The following ADAMTS12 variants were observed in gnomAD, a reference collection of about 807,000 sequenced individuals.
ADAMTS12 encodes ADAM metallopeptidase with thrombospondin type 1 motif 12, also known as A disintegrin and metalloproteinase with thrombospondin motifs 12.
Under a neutral mutation model 167.8 loss-of-function variants are expected in ADAMTS12, and 118 were observed. The observed-to-expected ratio is 0.70, with a 90% CI of 0.61 to 0.82. ADAMTS12 has a LOEUF of 0.82. Ranked by LOEUF, ADAMTS12 falls within the 40% of genes least tolerant of loss-of-function variation. The pLI, the probability that ADAMTS12 is intolerant of heterozygous loss-of-function variation, is 0.00. For missense variants in ADAMTS12, 1,916 were observed against 1,998.8 expected (o/e 0.96, Z 0.79); for synonymous variants, 704 against 716.9 (o/e 0.98, Z 0.29).
At chr5:33,775,903 C>T (rs190734613) in intron 2 of ADAMTS12, among the ~76,000 whole-genome samples, 6 of 152,220 alleles carry the variant, frequency 3.9e-5, no homozygotes, top group African/African-American at 1.2e-4. Flanking sequence ...GGGATTAGGC[C>T]GAAGGGAGCT....
chr5:33,688,437 TAACAG>T (rs1742428600), intron 3 of ADAMTS12, among the ~76,000 whole-genome samples: 1 of 122,162 alleles, frequency 8.2e-6, no homozygotes. Context: ...ACCTGACCAC[TAACAG>T]AACAGAAGTC....
Position 33,890,497 on chromosome 5 carries a change from T to A in ADAMTS12, c.127+1233A>T, listed in dbSNP as rs115778102. ...CCACAGCAGATGAGTTGTCCAGCAA[T>A]ATTTGAATTTTACAACATGAGCAGA... On this transcript the variant is annotated intron_variant, in intron 1 of 23. Transcript: ENST00000504830. Among the ~76,000 whole-genome samples, 460 of 152,262 alleles carry A rather than the reference T, an allele frequency of 3.0e-3. 2 individuals carry two copies. Among genetic ancestry groups the A allele is most frequent in the African/African-American group, 0.011 (443 of 41,542 alleles).
At chr5:33,597,851 G>T (rs1737983182) in intron 16 of ADAMTS12, among the ~76,000 whole-genome samples, 1 of 152,102 alleles carries the variant, frequency 6.6e-6, no homozygotes, top group African/African-American at 2.4e-5. Flanking sequence ...TAGCTGCTTA[G>T]AAGTTTCATT....
In ADAMTS12 at chr5:33,643,281, C is replaced by G. The variant is rs113572559; in HGVS notation, c.1572+97G>C. On this transcript the variant is annotated intron_variant, in intron 10 of 23. Transcript: ENST00000504830. ...TGTTTGACCTCCATCCACTGCTCTT[C>G]CCTTAGAGAGAGTTGCCCTCTAGGG... is the stretch of plus-strand genomic sequence containing the variant. 1.6e-5 allele frequency: 20 copies of G among 1,221,426 alleles called. No individual in the cohort carries two copies. In the East Asian group the frequency reaches 4.7e-4, roughly 29 times the overall value. The allele number at this position is 1,221,426 out of a possible 1,614,324, so 75.7% of individuals were successfully genotyped here.
At chr5:33,826,584 G>GTATATA (rs1488842952) in intron 2 of ADAMTS12, among the ~76,000 whole-genome samples, 18 of 71,712 alleles carry the variant, frequency 2.5e-4, no homozygotes, top group African/African-American at 8.7e-4. Flanking sequence ...GTGTGTGTGT[G>GTATATA]TGTATATATA....
chr5:33,862,407 CAT>C (rs139565328), intron 2 of ADAMTS12, among the ~76,000 whole-genome samples: 52,671 of 151,774 alleles, frequency 0.35, 9,396 homozygotes, highest in African/African-American at 0.43. Flanking sequence ...CAGAGAATAC[CAT>C]AAACACTTCT....
At chr5:33,861,130 GC>G (rs1425778115) in intron 2 of ADAMTS12, among the ~76,000 whole-genome samples, 5 of 152,198 alleles carry the variant, frequency 3.3e-5, no homozygotes, top group African/African-American at 1.2e-4. Context: ...TCAACTAACA[GC>G]CAAAATAATC....
Position 33,845,487 on chromosome 5 carries a change from T to A in ADAMTS12, c.489+35632A>T, listed in dbSNP as rs183489314. On this transcript the variant is annotated intron_variant, in intron 2 of 23. Transcript: ENST00000504830. ...CGTTATGTATTAATAATAACAGATA[T>A]AATAGTAATAACATATTAAATAATG... Among the ~76,000 whole-genome samples, 203 of 152,294 alleles carry A rather than the reference T, an allele frequency of 1.3e-3. 1 individual carries two copies. The highest frequency in any genetic ancestry group is 4.7e-3 in the African/African-American group (195 of 41,554).
chr5:33,566,488 G>A (rs540283959), intron 19 of ADAMTS12, among the ~76,000 whole-genome samples: 1 of 152,048 alleles, frequency 6.6e-6, no homozygotes, highest in South Asian at 2.1e-4. Flanking sequence ...AGTCAGTGAC[G>A]GACTCCTTCT....
At chr5:33,630,716 A>C in intron 13 of ADAMTS12, 64 bp downstream of exon 13, 3 of 1,550,982 alleles carry the variant, frequency 1.9e-6, no homozygotes, top group Non-Finnish European at 1.8e-6. Context: ...AGAACATCTG[A>C]CTTCCCAAAT....
intron 16 of ADAMTS12, among the ~76,000 whole-genome samples, chr5:33,601,705 A>G (rs1055550659): frequency 1.3e-5 from 2 of 152,216 alleles, no homozygotes; most frequent in African/African-American, 4.8e-5. Flanking sequence ...ATATTAGATA[A>G]TAAGATATTA....
chr5:33,757,436 G>A (rs780220887), intron 2 of ADAMTS12, among the ~76,000 whole-genome samples: 13 of 152,202 alleles, frequency 8.5e-5, no homozygotes, highest in East Asian at 3.8e-4. Flanking sequence ...CAGGAACCAC[G>A]GACGGGGGCT....
At chr5:33,843,300 G>A (rs1359702618) in intron 2 of ADAMTS12, among the ~76,000 whole-genome samples, 1 of 152,180 alleles carries the variant, frequency 6.6e-6, no homozygotes, top group African/African-American at 2.4e-5. Context: ...AAGAGGCACA[G>A]TGCTAGGTTC....
At chr5:33,604,488 C>A (rs1157032550) in intron 16 of ADAMTS12, among the ~76,000 whole-genome samples, 1 of 143,292 alleles carries the variant, frequency 7.0e-6, no homozygotes, top group East Asian at 2.1e-4. Context: ...GCAAAAAGAC[C>A]AAAACTCCAT....
chr5:33,725,774 G>A (rs1743960693), intron 3 of ADAMTS12, among the ~76,000 whole-genome samples: 1 of 152,164 alleles, frequency 6.6e-6, no homozygotes, highest in South Asian at 2.1e-4. Context: ...ATTTATCAAA[G>A]TAGGTTCCCA....
chr5:33,747,336 T>G (rs1333694058), intron 3 of ADAMTS12, among the ~76,000 whole-genome samples: 3 of 152,070 alleles, frequency 2.0e-5, no homozygotes, highest in Non-Finnish European at 4.4e-5. Flanking sequence ...CAACAGGATA[T>G]GTGTGACTTT....
intron 19 of ADAMTS12, among the ~76,000 whole-genome samples, chr5:33,567,674 G>A (rs1345574933): frequency 6.6e-6 from 1 of 152,196 alleles, no homozygotes; most frequent in Non-Finnish European, 1.5e-5. Flanking sequence ...TGGATCCACT[G>A]TGGTAATAGA....
chr5:33,826,469 TG>T (rs1748073577), intron 2 of ADAMTS12, among the ~76,000 whole-genome samples: 1 of 152,098 alleles, frequency 6.6e-6, no homozygotes, highest in African/African-American at 2.4e-5. Context: ...TATGCATACA[TG>T]TATGTATGAA....
chr5:33,800,721 C>T (rs1746966060), intron 2 of ADAMTS12, among the ~76,000 whole-genome samples: 1 of 152,214 alleles, frequency 6.6e-6, no homozygotes, highest in Non-Finnish European at 1.5e-5. Flanking sequence ...TCTTCTCCTA[C>T]AAGAAGCTTA....
Sources: gnomAD v4.1 joint callset for allele counts (sites outside exome capture counted in the v4.1 genomes callset) on GRCh38, gnomAD v4.1.1 for gene constraint, MANE v1.5 for transcripts, NCBI Gene and HGNC (gene_info 2026-07-23, HGNC 2026-07-21) for gene names.